The following EYA1 variants were observed in gnomAD, a reference collection of about 807,000 sequenced individuals.
EYA1 encodes EYA transcriptional coactivator and phosphatase 1.
A neutral mutation model predicts 82.0 loss-of-function variants in EYA1; 16 were observed. The observed-to-expected ratio is 0.20, with a 90% confidence interval of 0.13 to 0.30. The LOEUF (loss-of-function observed/expected upper bound fraction) is 0.30. EYA1 is among the 10% of genes least tolerant of loss of function. EYA1 has a pLI of 1.00. For missense variants in EYA1, 633 were observed against 730.7 expected, an observed-to-expected ratio of 0.87 and a Z score of 1.54; for synonymous variants, 261 against 264.4, an observed-to-expected ratio of 0.99 and a Z score of 0.12.
At chr8:71,406,709 G>A (rs1413929851) in intron 2 of EYA1, among the ~76,000 whole-genome samples, 4 of 152,024 alleles carry the variant, frequency 2.6e-5, no homozygotes, top group African/African-American at 9.7e-5. Context: ...CCTGCAACTG[G>A]CTCGGAGGGT....
chr8:71,264,176 A>G (rs1221785602), intron 11 of EYA1, among the ~76,000 whole-genome samples: 4 of 152,204 alleles, frequency 2.6e-5, no homozygotes, highest in Non-Finnish European at 5.9e-5. Context: ...CTGGTGTCCT[A>G]CTGCTCTGGT....
intron 2 of EYA1, among the ~76,000 whole-genome samples, chr8:71,430,074 C>T (rs567401024): frequency 8.1e-4 from 124 of 152,234 alleles, no homozygotes; most frequent in African/African-American, 2.9e-3. Context: ...TAGCCAGAGC[C>T]ACTGTATAAA....
chr8:71,497,860 A>G (rs2129233173), intron 2 of EYA1, among the ~76,000 whole-genome samples: 1 of 152,328 alleles, frequency 6.6e-6, no homozygotes, highest in Non-Finnish European at 1.5e-5. Flanking sequence ...TGGTATATAT[A>G]ATGGAATACT....
intron 2 of EYA1, among the ~76,000 whole-genome samples, chr8:71,463,621 CTCTCTCTCT>C (rs1808556286): frequency 5.8e-5 from 7 of 120,858 alleles, no homozygotes; most frequent in Admixed American, 1.8e-4. Context: ...CTCTCTCTCT[CTCTCTCTCT>C]CTCCCTCCCT....
At chr8:71,485,297 A>T (rs1810476886) in intron 2 of EYA1, among the ~76,000 whole-genome samples, 1 of 152,230 alleles carries the variant, frequency 6.6e-6, no homozygotes, top group South Asian at 2.1e-4. Context: ...TTTCATATAT[A>T]TAACTAAAAC....
intron 2 of EYA1, among the ~76,000 whole-genome samples, chr8:71,462,521 C>T (rs4529494): frequency 0.17 from 26,046 of 152,160 alleles, 4,032 homozygotes; most frequent in East Asian, 0.48. Flanking sequence ...GAGGGCAGGA[C>T]TCTCACCCGC....
intron 2 of EYA1, among the ~76,000 whole-genome samples, chr8:71,453,558 T>A (rs1586747004): frequency 6.6e-6 from 1 of 152,204 alleles, no homozygotes; most frequent in Admixed American, 6.5e-5. Flanking sequence ...CCCATCAGAC[T>A]AACAGCTGAT....
chr8:71,410,039 C>CT (rs1244309661), intron 2 of EYA1, among the ~76,000 whole-genome samples: 1 of 152,068 alleles, frequency 6.6e-6, no homozygotes, highest in Non-Finnish European at 1.5e-5. Flanking sequence ...ATCAAGTGGG[C>CT]TTCATCCCTG....
At chr8:71,449,783 A>C (rs1807206371) in intron 2 of EYA1, among the ~76,000 whole-genome samples, 1 of 152,158 alleles carries the variant, frequency 6.6e-6, no homozygotes, top group Non-Finnish European at 1.5e-5. Context: ...CCACAGGAAG[A>C]CTTTTGTTTA....
At chr8:71,447,100 A>G (rs887921890) in intron 2 of EYA1, among the ~76,000 whole-genome samples, 1 of 150,018 alleles carries the variant, frequency 6.7e-6, no homozygotes, top group East Asian at 1.9e-4. Context: ...ATATATATAT[A>G]TATAAAATTA....
At chr8:71,345,924 C>A (rs1451309617) in intron 3 of EYA1, among the ~76,000 whole-genome samples, 2 of 152,062 alleles carry the variant, frequency 1.3e-5, no homozygotes, top group Non-Finnish European at 2.9e-5. Context: ...ATCTGGAGCC[C>A]TTCATCATCA....
intron 11 of EYA1, among the ~76,000 whole-genome samples, chr8:71,261,420 T>C (rs1815092531): frequency 1.3e-5 from 2 of 152,162 alleles, no homozygotes; most frequent in African/African-American, 4.8e-5. Context: ...AGAGAGACTG[T>C]ATACACATAA....
chr8:71,203,831 G>A (rs1807386559), intron 17 of EYA1, among the ~76,000 whole-genome samples: 1 of 152,128 alleles, frequency 6.6e-6, no homozygotes, highest in South Asian at 2.1e-4. Context: ...GAAATGGAGT[G>A]GGTGTAATAG....
intron 2 of EYA1, among the ~76,000 whole-genome samples, chr8:71,493,921 G>A (rs1012231827): frequency 2.7e-4 from 39 of 144,772 alleles, no homozygotes; most frequent in Non-Finnish European, 1.4e-4. Flanking sequence ...TACTTGGGAG[G>A]CTGAGGCAGG....
chr8:71,273,820 C>A (rs1816824935), intron 9 of EYA1, among the ~76,000 whole-genome samples: 1 of 152,182 alleles, frequency 6.6e-6, no homozygotes, highest in Non-Finnish European at 1.5e-5. Context: ...TGAAGAGAAG[C>A]TAAAAGACAT....
chr8:71,365,618 G>A (rs904724676), upstream of EYA1, among the ~76,000 whole-genome samples: 2 of 152,094 alleles, frequency 1.3e-5, no homozygotes, highest in South Asian at 4.1e-4. Flanking sequence ...AGTCTTCCTG[G>A]TTTCACATAA....
chr8:71,345,294 C>T (rs1471285699), intron 3 of EYA1, among the ~76,000 whole-genome samples: 2 of 152,152 alleles, frequency 1.3e-5, no homozygotes, highest in Admixed American at 1.3e-4. Context: ...GGACATTGAG[C>T]ATTTTCGAGG....
Position 71,373,578 on chromosome 8 carries a change from A to G in EYA1, c.34-17067T>C, listed in dbSNP as rs193023738. 2.5e-3 allele frequency among the ~76,000 whole-genome samples: 375 copies of G among 152,272 alleles called. 1 individual carries two copies. The highest frequency in any genetic ancestry group is 8.7e-3 in the African/African-American group (363 of 41,584). On this transcript the variant is annotated intron_variant, in intron 2 of 18. Coordinates refer to the EYA1 transcript ENST00000643681. ...CAGTACTACTCAAAGCAACCTACAG[A>G]TTCAATGTGATTCCTGTCAAAATTG...
intron 2 of EYA1, among the ~76,000 whole-genome samples, chr8:71,492,625 T>A (rs1241871179): frequency 6.6e-6 from 1 of 151,972 alleles, no homozygotes; most frequent in African/African-American, 2.4e-5. Context: ...CCACCACGCC[T>A]GGCTAATTTT....
Sources: gnomAD v4.1 joint callset for allele counts (sites outside exome capture counted in the v4.1 genomes callset) on GRCh38, gnomAD v4.1.1 for gene constraint, MANE v1.5 for transcripts, NCBI Gene and HGNC (gene_info 2026-07-23, HGNC 2026-07-21) for gene names.